KNDC1: variants seen among roughly 807,000 people sequenced by gnomAD.
KNDC1 encodes the protein kinase non-catalytic C-lobe domain-containing protein 1.
In KNDC1, 106 loss-of-function variants were observed where a neutral mutation model predicts 172.8. The ratio of observed to expected loss-of-function variants is 0.61; its 90% CI spans 0.52 to 0.72. The LOEUF is 0.72. Ranked by LOEUF, KNDC1 falls within the 30% of genes least tolerant of loss-of-function variation. KNDC1 has a pLI of 0.00. For missense variants in KNDC1, 2,325 were observed against 2,394.5 expected, an observed-to-expected ratio of 0.97 and a Z score of 0.61; for synonymous variants, 1,083 against 1,062.2, an observed-to-expected ratio of 1.02 and a Z score of -0.38.
At chr10:133,185,592 ATCATCCAGGT>A (rs1197578478) in intron 5 of KNDC1, among the ~76,000 whole-genome samples, 12 of 151,948 alleles carry the variant, frequency 7.9e-5, no homozygotes, top group African/African-American at 2.7e-4. Flanking sequence ...CCGTAGCCAC[ATCATCCAGGT>A]TCTTCCTGTG....
At chr10:133,180,696 AACAC>A (rs770571733) in intron 3 of KNDC1, among the ~76,000 whole-genome samples, 1 of 152,262 alleles carries the variant, frequency 6.6e-6, no homozygotes, top group Non-Finnish European at 1.5e-5. Flanking sequence ...AGAAGCTGGC[AACAC>A]ACACAGCAAG....
intron 17 of KNDC1, among the ~76,000 whole-genome samples, chr10:133,204,795 G>A (rs1017542546): frequency 6.6e-6 from 1 of 152,170 alleles, no homozygotes; most frequent in African/African-American, 2.4e-5. Context: ...CTGGTGGACC[G>A]GCTCGCGGAT....
chr10:133,198,014 C>A (rs1007149905), intron 12 of KNDC1, among the ~76,000 whole-genome samples: 1 of 152,158 alleles, frequency 6.6e-6, no homozygotes, highest in African/African-American at 2.4e-5. Context: ...AGCTGGCCCT[C>A]CCAAGCCCAC....
chr10:133,160,515 C>G lies in KNDC1; in HGVS notation c.48C>G (p.Gly16=). The change falls in exon 1 of 30, where the codon GGC becomes GGG. Residue 16 remains glycine (G), a synonymous_variant. Transcript: ENST00000304613. The stretch of plus-strand genomic sequence containing the variant: ...CGGCGGATCTTTACGAGGAGGACGG[C>G]AAAGACCTGGACTTCTACGACTTCG... ...PAAADLYEED[G]KDLDFYDFEP... 6.3e-7 allele frequency: 1 copy of G among 1,591,784 alleles called. No individual in the cohort carries two copies. Among genetic ancestry groups the G allele is most frequent in the Middle Eastern group, 2.0e-4 (1 of 5,092 alleles).
In KNDC1 at chr10:133,223,898, CGT is replaced by C. The variant is rs373903882; in HGVS notation, c.5019-753_5019-752del. ...GCCCATCCAGGCATGCTCTTCCCGG[CGT>C]GTGTGTGAGCCCATCCAGGCATGCT... On this transcript the variant is annotated intron_variant, in intron 29 of 29. Coordinates refer to ENST00000304613, the MANE Select transcript of KNDC1 (RefSeq NM_152643.8). Among the ~76,000 whole-genome samples the C allele has an allele frequency of 2.7e-3, 244 of 89,778 alleles. 4 individuals carry two copies. Among genetic ancestry groups the C allele is most frequent in the African/African-American group, 0.011 (228 of 20,608 alleles). The allele number at this position is 89,778 out of a possible 152,430, so 58.9% of individuals were successfully genotyped here.
Position 133,170,155 on chromosome 10 carries a change from G to A in KNDC1, c.360+1843G>A, listed in dbSNP as rs920762591. On this transcript the variant is annotated intron_variant, in intron 3 of 29. Coordinates refer to ENST00000304613, the MANE Select transcript of KNDC1 (RefSeq NM_152643.8). ...TTAAATCCCCGCTTGTGAGGGGACTGAGGGGTGCGCAGGTGTTTCCTGGTG... is the reference window on the plus strand; with the variant it reads ...TTAAATCCCCGCTTGTGAGGGGACTAAGGGGTGCGCAGGTGTTTCCTGGTG... 8.5e-5 allele frequency among the ~76,000 whole-genome samples: 13 copies of A among 152,372 alleles called. No individual in the cohort carries two copies. In the South Asian group the frequency reaches 2.7e-3, roughly 32 times the overall value.
At chr10:133,204,766 G>A (rs1243214988) in intron 17 of KNDC1, among the ~76,000 whole-genome samples, 10 of 152,088 alleles carry the variant, frequency 6.6e-5, no homozygotes, top group African/African-American at 9.7e-5. Flanking sequence ...TGAGCCAACC[G>A]CACTTCACAA....
chr10:133,190,025 A>G (rs546962331), intron 9 of KNDC1, among the ~76,000 whole-genome samples: 1 of 152,344 alleles, frequency 6.6e-6, no homozygotes, highest in African/African-American at 2.4e-5. Flanking sequence ...GGCCATGTGC[A>G]CTAGAGCTGC....
At chr10:133,210,758 C>A in intron 21 of KNDC1, 34 bp downstream of exon 21, 1 of 1,547,564 alleles carries the variant, frequency 6.5e-7, no homozygotes, top group Non-Finnish European at 8.9e-7. Context: ...CCCGCCAGAG[C>A]TTCCCCCTGG....
At chr10:133,183,637 C>T in intron 4 of KNDC1, 147 bp downstream of exon 4, 1 of 1,070,416 alleles carries the variant, frequency 9.3e-7, no homozygotes, top group African/African-American at 1.6e-5. Flanking sequence ...TAAAGGAGGA[C>T]TTGGTTTTTT....
intron 9 of KNDC1, among the ~76,000 whole-genome samples, chr10:133,195,331 T>TAG (rs1414435652): frequency 1.3e-5 from 2 of 152,166 alleles, no homozygotes; most frequent in African/African-American, 2.4e-5. Flanking sequence ...GTGGGGGCTA[T>TAG]GCTGGCCAGT....
chr10:133,215,311 AGGC>A (rs1449368311), intron 26 of KNDC1, among the ~76,000 whole-genome samples: 3 of 152,220 alleles, frequency 2.0e-5, no homozygotes, highest in Non-Finnish European at 4.4e-5. Flanking sequence ...CCTCCCTGCC[AGGC>A]GGCAAAGCCA....
At position 133,160,576 on chromosome 10, in the gene KNDC1, C is replaced by A. The variant is rs763706479; in HGVS notation, c.102+7C>A. 1.3e-6 allele frequency: 2 copies of A among 1,558,720 alleles called. No homozygotes were observed. The highest frequency in any genetic ancestry group is 3.7e-5 in the Admixed American group (2 of 53,560). On this transcript the variant is annotated splice_region_variant and intron_variant, in intron 1 of 29. Coordinates refer to ENST00000304613, the MANE Select transcript of KNDC1 (RefSeq NM_152643.8). ...CACCCTCCCCGAGGACGAGGTGAGC[C>A]CCCGGCCCCACTGGGGGGCCCCTTC...
chr10:133,162,404 C>T (rs769567026), intron 1 of KNDC1, among the ~76,000 whole-genome samples: 3 of 152,140 alleles, frequency 2.0e-5, no homozygotes, highest in South Asian at 4.1e-4. Flanking sequence ...GGGCAGCTGC[C>T]GGGAAAGCAC....
intron 3 of KNDC1, among the ~76,000 whole-genome samples, chr10:133,174,494 C>T (rs565189729): frequency 2.0e-4 from 30 of 152,258 alleles, no homozygotes; most frequent in African/African-American, 7.2e-4. Context: ...CAGTGTCAAC[C>T]AATAACTAAC....
chr10:133,207,441 G>A (rs1008005066), intron 20 of KNDC1, 90 bp downstream of exon 20: 40 of 1,217,160 alleles, frequency 3.3e-5, no homozygotes, highest in Non-Finnish European at 3.8e-5. Context: ...AGTCAGCTAG[G>A]CTGGGTTTGC....
At chr10:133,221,134 A>T (rs1845578923) in intron 29 of KNDC1, among the ~76,000 whole-genome samples, 1 of 152,080 alleles carries the variant, frequency 6.6e-6, no homozygotes, top group African/African-American at 2.4e-5. Flanking sequence ...GGGTCTCTGC[A>T]GCACAGAGGC....
At chr10:133,185,593 T>C (rs1853875774) in intron 5 of KNDC1, among the ~76,000 whole-genome samples, 1 of 151,836 alleles carries the variant, frequency 6.6e-6, no homozygotes. Context: ...CGTAGCCACA[T>C]CATCCAGGTT....
At chr10:133,216,280 G>A (rs1845467075) in intron 26 of KNDC1, among the ~76,000 whole-genome samples, 1 of 152,172 alleles carries the variant, frequency 6.6e-6, no homozygotes, top group Non-Finnish European at 1.5e-5. Context: ...TGGGGGGTCG[G>A]TGGTTCCGTT....
Sources: allele counts gnomAD v4.1 joint callset (sites outside exome capture counted in the v4.1 genomes callset), GRCh38; gene constraint gnomAD v4.1.1; transcripts MANE v1.5; gene names NCBI Gene and HGNC (gene_info 2026-07-23, HGNC 2026-07-21).